EML4: variants seen among roughly 807,000 people sequenced by gnomAD.
EML4 encodes EMAP like 4, also known as echinoderm microtubule-associated protein-like 4.
Under a neutral mutation model 129.0 loss-of-function variants are expected in EML4, and 72 were observed. The observed-to-expected ratio is 0.56, with a 90% CI of 0.46 to 0.68. The LOEUF is 0.68. Among genes scored for constraint, EML4 ranks in the 30% least tolerant of loss-of-function variants. The pLI is 0.00. For synonymous variants in EML4, 532 were observed against 405.0 expected (o/e 1.31, Z -3.77); for missense variants, 1,363 against 1,190.6 (o/e 1.14, Z -2.13).
intron 1 of EML4, among the ~76,000 whole-genome samples, chr2:42,227,439 AC>A (rs1371258026): frequency 6.9e-6 from 1 of 145,174 alleles, no homozygotes; most frequent in Non-Finnish European, 1.5e-5. Context: ...ATTACATCCT[AC>A]CTGCTTTCAA....
chr2:42,255,071 C>T (rs953666138), intron 2 of EML4, among the ~76,000 whole-genome samples: 27 of 151,484 alleles, frequency 1.8e-4, no homozygotes, highest in East Asian at 5.8e-4. Flanking sequence ...AATGGATACG[C>T]GGTTTTTGTT....
chr2:42,329,130 C>A, intron 22 of EML4, 114 bp downstream of exon 22: 2 of 1,064,670 alleles, frequency 1.9e-6, no homozygotes, highest in Non-Finnish European at 1.3e-6. Context: ...CTCCAGTGCA[C>A]AGAGGGAGAT....
At chr2:42,273,076 A>C (rs965739163) in intron 6 of EML4, among the ~76,000 whole-genome samples, 3 of 152,150 alleles carry the variant, frequency 2.0e-5, no homozygotes, top group African/African-American at 7.2e-5. Flanking sequence ...TTGACATTTG[A>C]AGTTTCCTTT....
chr2:42,177,780 TG>T (rs1404847683), intron 1 of EML4, among the ~76,000 whole-genome samples: 10 of 152,208 alleles, frequency 6.6e-5, no homozygotes, highest in African/African-American at 2.4e-4. Context: ...GACCTGTTAA[TG>T]GTTTTTGAAA....
chr2:42,228,065 C>CA (rs1192252701), intron 1 of EML4, among the ~76,000 whole-genome samples: 1 of 151,912 alleles, frequency 6.6e-6, no homozygotes, highest in African/African-American at 2.4e-5. Flanking sequence ...ACAAAAAATA[C>CA]AAAAAATTAG....
At chr2:42,171,790 AGCTCTGT>A (rs1364570082) in intron 1 of EML4, among the ~76,000 whole-genome samples, 2 of 151,664 alleles carry the variant, frequency 1.3e-5, no homozygotes, top group Non-Finnish European at 2.9e-5. Context: ...TCTCAGTGGG[AGCTCTGT>A]GCTTTCTCTT....
chr2:42,176,284 C>G lies in EML4; in HGVS notation c.25+6648C>G, dbSNP rs116490629. Among the ~76,000 whole-genome samples, 1,273 of 152,296 alleles carry G rather than the reference C, an allele frequency of 8.4e-3. 17 individuals are homozygous for G. The highest frequency in any genetic ancestry group is 0.029 in the African/African-American group (1,218 of 41,558). On this transcript the variant is annotated intron_variant, in intron 1 of 22. Transcript: ENST00000318522. ...CCTTTTCTTTTCCACCGCTATAGTT[C>G]AGGTACTTATTATTCGATGCGTGGA...
At position 42,169,646 on chromosome 2, in the gene EML4, G is replaced by A; in HGVS notation, c.25+10G>A. 1 of 1,601,636 alleles carries A rather than the reference G, an allele frequency of 6.2e-7. No individual in the cohort carries two copies. The highest frequency in any genetic ancestry group is 8.5e-7 in the Non-Finnish European group (1 of 1,174,410). On this transcript the variant is annotated intron_variant, in intron 1 of 22. Transcript: ENST00000318522. ...TTCGCCGGCAGTCTCGGTGAGTACG[G>A]CTGGGGAGTCCTGCGTCTTCTGCGA...
chr2:42,235,936 A>G (rs1407308341), intron 1 of EML4, among the ~76,000 whole-genome samples: 2 of 152,168 alleles, frequency 1.3e-5, no homozygotes, highest in African/African-American at 2.4e-5. Flanking sequence ...TAGACCAGTT[A>G]TCATATCCCC....
At chr2:42,181,147 A>G (rs1205581257) in intron 1 of EML4, among the ~76,000 whole-genome samples, 1 of 152,166 alleles carries the variant, frequency 6.6e-6, no homozygotes, top group African/African-American at 2.4e-5. Context: ...AGTAATTGCA[A>G]AATTATTTTT....
At chr2:42,245,094 C>CTTTTTTTTCT (rs1675303201) in intron 1 of EML4, among the ~76,000 whole-genome samples, 2 of 66,562 alleles carry the variant, frequency 3.0e-5, no homozygotes, top group East Asian at 8.6e-4. Flanking sequence ...AATTTTCTTT[C>CTTTTTTTTCT]TTTTTTTTTT....
intron 5 of EML4, 34 bp from the exon 6 acceptor site, chr2:42,264,672 T>TA: frequency 8.0e-7 from 1 of 1,247,724 alleles, no homozygotes; most frequent in Non-Finnish European, 1.2e-6. Flanking sequence ...TATAAACTTA[T>TA]AAAATAAATG....
At chr2:42,297,998 A>T (rs775445515) in intron 13 of EML4, among the ~76,000 whole-genome samples, 9 of 152,168 alleles carry the variant, frequency 5.9e-5, no homozygotes, top group Non-Finnish European at 1.2e-4. Context: ...GGTATTTGTT[A>T]TTTATTTCCT....
At chr2:42,288,434 C>A in intron 11 of EML4, 112 bp downstream of exon 11, 1 of 484,430 alleles carries the variant, frequency 2.1e-6, no homozygotes, top group East Asian at 3.3e-5. Flanking sequence ...AAAAGCAGAT[C>A]TACTAGCCAA....
At chr2:42,278,573 C>CAAAAAA (rs35916382) in intron 6 of EML4, among the ~76,000 whole-genome samples, 5 of 54,286 alleles carry the variant, frequency 9.2e-5, no homozygotes, top group Non-Finnish European at 1.3e-4. Flanking sequence ...GACTCCATCT[C>CAAAAAA]AAAAAAAAAA....
intron 17 of EML4, among the ~76,000 whole-genome samples, chr2:42,305,440 C>A (rs117642788): frequency 6.6e-6 from 1 of 152,116 alleles, no homozygotes; most frequent in African/African-American, 2.4e-5. Context: ...TTTCTCTCCT[C>A]ATCTTTTATG....
chr2:42,222,547 C>G (rs1336729723), intron 1 of EML4, among the ~76,000 whole-genome samples: 1 of 152,090 alleles, frequency 6.6e-6, no homozygotes, highest in Non-Finnish European at 1.5e-5. Flanking sequence ...GGACAAAGAC[C>G]TTTTGTCCTA....
intron 17 of EML4, among the ~76,000 whole-genome samples, chr2:42,309,326 T>G (rs1668795107): frequency 6.6e-6 from 1 of 151,480 alleles, no homozygotes; most frequent in Non-Finnish European, 1.5e-5. Context: ...GGAGGATAAT[T>G]TGAATCTGGG....
intron 20 of EML4, among the ~76,000 whole-genome samples, chr2:42,325,821 G>A (rs1227712892): frequency 1.3e-5 from 2 of 151,386 alleles, no homozygotes; most frequent in South Asian, 4.2e-4. Context: ...GTGTAGAACA[G>A]AAGGCACATA....
Sources: allele counts gnomAD v4.1 joint callset (sites outside exome capture counted in the v4.1 genomes callset), GRCh38; gene constraint gnomAD v4.1.1; transcripts MANE v1.5; gene names NCBI Gene and HGNC (gene_info 2026-07-23, HGNC 2026-07-21).